DNAH3: variants seen among roughly 807,000 people sequenced by gnomAD.
DNAH3 encodes the protein axonemal beta dynein heavy chain 3.
DNAH3 carries 332 observed loss-of-function variants against 432.5 expected under a neutral mutation model. That is an observed-to-expected ratio of 0.77 (90% CI 0.70 to 0.84). The LOEUF (loss-of-function observed/expected upper bound fraction) is 0.84, where lower values mean the gene tolerates loss of function less well. Ranked by LOEUF, DNAH3 falls within the 40% of genes least tolerant of loss-of-function variation. The pLI, the probability that DNAH3 is intolerant of heterozygous loss-of-function variation, is 0.00. For synonymous variants in DNAH3, 1,956 were observed against 1,900.2 expected, an observed-to-expected ratio of 1.03 and a Z score of -0.76; for missense variants, 4,861 against 5,114.0, an observed-to-expected ratio of 0.95 and a Z score of 1.51.
chr16:20,998,770 G>C (rs1404077062), intron 43 of DNAH3, among the ~76,000 whole-genome samples: 1 of 141,484 alleles, frequency 7.1e-6, no homozygotes, highest in Non-Finnish European at 1.5e-5. Context: ...AAAAGGGGGG[G>C]GCTCCTTTAG....
intron 17 of DNAH3, 56 bp downstream of exon 17, chr16:21,098,560 G>A (rs2091753504): frequency 2.6e-6 from 4 of 1,529,912 alleles, no homozygotes; most frequent in Admixed American, 4.4e-5. Flanking sequence ...CACAACCAAG[G>A]ATCAGAACCA....
Position 21,125,085 on chromosome 16 carries a change from CAGCTG to C in DNAH3, c.1404+85_1404+89del, listed in dbSNP as rs1221434291. ...GCATTTCACTTTGTGCCCTGGCTCA[CAGCTG>C]AGGACGTACATGACAGAGTCCTGGC... On this transcript the variant is annotated intron_variant, in intron 9 of 61. Transcript: ENST00000261383. 2.8e-6 allele frequency: 3 copies of C among 1,081,966 alleles called. No individual in the cohort carries two copies. The East Asian group carries it at 7.9e-5, about 28-fold the overall frequency. The allele number at this position is 1,081,966 out of a possible 1,614,324, so 67.0% of individuals were successfully genotyped here. A position where few individuals can be genotyped will look rare whatever the true frequency, so the allele number is the denominator to read the frequency against.
chr16:20,983,080 C>CT (rs1221259696), intron 48 of DNAH3, among the ~76,000 whole-genome samples, 194 bp from the exon 49 acceptor site: 1 of 151,972 alleles, frequency 6.6e-6, no homozygotes, highest in Admixed American at 6.6e-5. Context: ...TTTCACTTAA[C>CT]TTTGTGAGGA....
At chr16:21,126,936 C>G (rs762464296) in intron 8 of DNAH3, among the ~76,000 whole-genome samples, 2 of 152,022 alleles carry the variant, frequency 1.3e-5, no homozygotes, top group Non-Finnish European at 2.9e-5. Context: ...TGCAGGAAAA[C>G]AAGCTCAGGG....
chr16:21,118,622 T>C (rs1323309251), intron 11 of DNAH3, among the ~76,000 whole-genome samples: 1 of 152,128 alleles, frequency 6.6e-6, no homozygotes, highest in Non-Finnish European at 1.5e-5. Flanking sequence ...TATATTTTTG[T>C]ACAGACAGGG....
intron 16 of DNAH3, among the ~76,000 whole-genome samples, chr16:21,100,263 G>A (rs897859731): frequency 5.9e-5 from 9 of 152,108 alleles, no homozygotes; most frequent in Non-Finnish European, 7.3e-5. Flanking sequence ...ATAGAGATGT[G>A]GTTTCACCAT....
chr16:21,037,872 T>G, exon 34 of DNAH3: 1 of 1,614,216 alleles, frequency 6.2e-7, no homozygotes, highest in Non-Finnish European at 8.5e-7. Context: ...TCAGGTTTCC[T>G]GCGGCAGTAA....
exon 2 of DNAH3, chr16:21,146,019 C>G (rs764001924): frequency 6.2e-7 from 1 of 1,613,696 alleles, no homozygotes. Flanking sequence ...TTAGCAGAAG[C>G]AGGCAGAGGA....
intron 21 of DNAH3, among the ~76,000 whole-genome samples, chr16:21,071,029 C>G (rs1442211360): frequency 6.6e-6 from 1 of 151,980 alleles, no homozygotes; most frequent in South Asian, 2.1e-4. Flanking sequence ...GGACTACAGG[C>G]ATATGCCACC....
At position 20,954,981 on chromosome 16, in the gene DNAH3, G is replaced by A. The variant is rs148915896; in HGVS notation, c.10903C>T (p.Pro3635Ser). Reference sequence around the variant, plus strand: ...AGGTTGGCCCGGAGCCCTTTGGGGGGCTCATTGGTCATTTTGATTCCATTC... The same window carrying A: ...AGGTTGGCCCGGAGCCCTTTGGGGGACTCATTGGTCATTTTGATTCCATTC... Residue 3635 changes from proline to serine, a missense_variant, in exon 55 of 62, where the codon CCC (proline) becomes TCC (serine). Pro to Ser is a moderately conservative substitution (Grantham distance 74, BLOSUM62 -1). Transcript: ENST00000261383. The A allele has an allele frequency of 8.7e-6, 14 of 1,614,146 alleles. No individual in the cohort carries two copies. The African/African-American group carries it at 1.5e-4, about 17-fold the overall frequency.
At chr16:21,081,857 G>A in intron 19 of DNAH3, 130 bp from the exon 20 acceptor site, 2 of 636,660 alleles carry the variant, frequency 3.1e-6, no homozygotes, top group Non-Finnish European at 5.3e-6. Context: ...GCAGGTGGCT[G>A]TTGAGCACCA....
At chr16:21,084,967 C>G in intron 19 of DNAH3, among the ~76,000 whole-genome samples, 1 of 151,942 alleles carries the variant, frequency 6.6e-6, no homozygotes. Flanking sequence ...CTAACCCCCC[C>G]ATCCCCCCGA....
chr16:21,141,943 T>G (rs2092724487), intron 3 of DNAH3, among the ~76,000 whole-genome samples: 1 of 151,884 alleles, frequency 6.6e-6, no homozygotes, highest in African/African-American at 2.4e-5. Context: ...ACCCAGCTAC[T>G]TGGGAGGCTG....
At chr16:20,987,105 T>A (rs560828357) in intron 47 of DNAH3, among the ~76,000 whole-genome samples, 200 bp downstream of exon 47, 69 of 152,316 alleles carry the variant, frequency 4.5e-4, no homozygotes, top group South Asian at 3.3e-3. Context: ...CAAACTTATA[T>A]GTTACAACAG....
chr16:20,952,395 C>T, intron 56 of DNAH3, 38 bp downstream of exon 56: 3 of 1,255,884 alleles, frequency 2.4e-6, no homozygotes, highest in Non-Finnish European at 2.3e-6. Context: ...GAACATGATA[C>T]TGGAGGTTTA....
At chr16:21,142,252 AGC>A (rs1356323101) in intron 3 of DNAH3, among the ~76,000 whole-genome samples, 2 of 151,868 alleles carry the variant, frequency 1.3e-5, no homozygotes, top group Non-Finnish European at 2.9e-5. Context: ...CTGTAATCCC[AGC>A]TACTCAGGAG....
At chr16:21,000,549 T>C in intron 42 of DNAH3, 31 bp from the exon 43 acceptor site, 1 of 1,556,762 alleles carries the variant, frequency 6.4e-7, no homozygotes, top group African/African-American at 1.4e-5. Context: ...AGAGTCTCGG[T>C]TGTGGGCCCA....
chr16:21,022,234 A>G lies in DNAH3; in HGVS notation c.5647-134T>C, dbSNP rs572148577. ...TTAAATGTAGGTGCATTGGGGGAAA[A>G]CTTATAGGCAACAAGACCCCTATCT... On this transcript the variant is annotated intron_variant, in intron 39 of 61. Transcript: ENST00000261383. The G allele has an allele frequency of 1.1e-4, 99 of 875,952 alleles. No individual in the cohort carries two copies. The East Asian group carries it at 2.6e-3, about 23-fold the overall frequency. 54.3% of individuals were successfully genotyped at this position (875,952 alleles called of 1,614,324 possible). A position where few individuals can be genotyped will look rare whatever the true frequency, so the allele number is the denominator to read the frequency against.
chr16:21,026,114 T>A (rs1312061053), intron 38 of DNAH3, among the ~76,000 whole-genome samples: 2 of 152,160 alleles, frequency 1.3e-5, no homozygotes, highest in African/African-American at 4.8e-5. Context: ...ATATTTTTTG[T>A]ACAGATCTCC....
Sources: allele counts gnomAD v4.1 joint callset (sites outside exome capture counted in the v4.1 genomes callset), GRCh38; gene constraint gnomAD v4.1.1; transcripts MANE v1.5; gene names NCBI Gene and HGNC (gene_info 2026-07-23, HGNC 2026-07-21).